The following SNTG1 variants were observed in gnomAD, a reference collection of about 807,000 sequenced individuals.
SNTG1 encodes the protein gamma-1-syntrophin.
In SNTG1, 39 loss-of-function variants were observed where a neutral mutation model predicts 74.7. The observed-to-expected ratio is 0.52, with a 90% CI of 0.40 to 0.68. SNTG1 has a LOEUF of 0.68. Among genes scored for constraint, SNTG1 ranks in the 30% least tolerant of loss-of-function variants. The pLI, the probability that SNTG1 is intolerant of heterozygous loss-of-function variation, is 0.00. For synonymous variants in SNTG1, 254 were observed against 217.1 expected (o/e 1.17, Z -1.49); for missense variants, 685 against 609.5 (o/e 1.12, Z -1.30).
chr8:50,363,718 TA>T (rs1196192960), intron 2 of SNTG1, among the ~76,000 whole-genome samples: 1 of 152,178 alleles, frequency 6.6e-6, no homozygotes, highest in Non-Finnish European at 1.5e-5. Context: ...ATTATATGTT[TA>T]AGAAGATGCA....
In SNTG1 at chr8:50,393,765, C is replaced by A. The variant is rs559336147; in HGVS notation, c.-27-447C>A. ...CAGAGAGAATTATTCATGCATGTAG[C>A]TTTTTAATTAAAAAGAGAGAGATTA... is the stretch of plus-strand genomic sequence containing the variant. On this transcript the variant is annotated intron_variant, in intron 2 of 18. Coordinates refer to ENST00000642720, the MANE Select transcript of SNTG1 (RefSeq NM_018967.5). Among the ~76,000 whole-genome samples, 156 of 152,176 alleles carry A rather than the reference C, an allele frequency of 1.0e-3. 1 individual carries two copies. Among genetic ancestry groups the A allele is most frequent in the African/African-American group, 3.3e-3 (138 of 41,524 alleles).
intron 1 of SNTG1, among the ~76,000 whole-genome samples, chr8:49,951,346 TAAATCCTCAC>T (rs2129391357): frequency 6.6e-6 from 1 of 152,302 alleles, no homozygotes; most frequent in East Asian, 1.9e-4. Context: ...AATATCTAAA[TAAATCCTCAC>T]AAATCTTGAG....
At chr8:50,580,631 T>C (rs2094604412) in intron 12 of SNTG1, among the ~76,000 whole-genome samples, 1 of 152,184 alleles carries the variant, frequency 6.6e-6, no homozygotes, top group Non-Finnish European at 1.5e-5. Context: ...CTGATGGTTT[T>C]ATAAGGGGAT....
chr8:50,204,932 G>A (rs1007427316), intron 2 of SNTG1, among the ~76,000 whole-genome samples: 2 of 152,140 alleles, frequency 1.3e-5, no homozygotes, highest in African/African-American at 4.8e-5. Flanking sequence ...GTATTCCATG[G>A]TATATATGTG....
intron 12 of SNTG1, among the ~76,000 whole-genome samples, chr8:50,560,063 G>C (rs1255304518): frequency 6.6e-6 from 1 of 152,066 alleles, no homozygotes; most frequent in Non-Finnish European, 1.5e-5. Context: ...CAAAGGACAT[G>C]AACAGACACT....
intron 12 of SNTG1, among the ~76,000 whole-genome samples, chr8:50,556,397 G>A (rs1199695046): frequency 6.6e-6 from 1 of 152,066 alleles, no homozygotes; most frequent in Non-Finnish European, 1.5e-5. Flanking sequence ...CTATATTTTA[G>A]GTGAGCATTC....
intron 2 of SNTG1, among the ~76,000 whole-genome samples, chr8:50,269,651 A>G (rs2087672544): frequency 6.6e-6 from 1 of 152,178 alleles, no homozygotes; most frequent in Non-Finnish European, 1.5e-5. Context: ...CAGCAGTCCA[A>G]ATATGTATAT....
intron 15 of SNTG1, among the ~76,000 whole-genome samples, chr8:50,691,045 G>T (rs2095376303): frequency 1.3e-5 from 2 of 152,120 alleles, no homozygotes; most frequent in African/African-American, 2.4e-5. Flanking sequence ...TTTAAAGTTT[G>T]TTTTATCAGA....
chr8:50,145,034 A>C (rs1367391842), intron 1 of SNTG1, among the ~76,000 whole-genome samples: 2 of 152,140 alleles, frequency 1.3e-5, no homozygotes, highest in Non-Finnish European at 2.9e-5. Context: ...ACACCAAATG[A>C]GGTAGGAACA....
intron 1 of SNTG1, among the ~76,000 whole-genome samples, chr8:50,056,201 C>T (rs1049244524): frequency 6.6e-6 from 1 of 152,036 alleles, no homozygotes; most frequent in Non-Finnish European, 1.5e-5. Flanking sequence ...CTTGAGCTTG[C>T]ATAGTTGAGT....
chr8:50,656,140 G>A (rs903283916), intron 13 of SNTG1, among the ~76,000 whole-genome samples: 3 of 152,072 alleles, frequency 2.0e-5, no homozygotes, highest in Non-Finnish European at 4.4e-5. Flanking sequence ...ATATCCTCCC[G>A]CACAGAGTTG....
At chr8:50,734,909 C>CTA (rs1321218760) in intron 17 of SNTG1, among the ~76,000 whole-genome samples, 1 of 131,240 alleles carries the variant, frequency 7.6e-6, no homozygotes, top group Admixed American at 7.8e-5. Context: ...ATATATATAT[C>CTA]TATATATATG....
chr8:50,478,393 T>C (rs962597254), intron 8 of SNTG1, among the ~76,000 whole-genome samples: 1 of 152,158 alleles, frequency 6.6e-6, no homozygotes, highest in African/African-American at 2.4e-5. Context: ...TCATGCATAT[T>C]ACCAATTGTA....
At chr8:50,091,078 G>A (rs1276937519) in intron 1 of SNTG1, among the ~76,000 whole-genome samples, 4 of 152,068 alleles carry the variant, frequency 2.6e-5, no homozygotes, top group African/African-American at 9.7e-5. Flanking sequence ...AATAAACATA[G>A]TGGCATAGAT....
chr8:50,579,664 G>A (rs1190198193), intron 12 of SNTG1, among the ~76,000 whole-genome samples: 1 of 152,176 alleles, frequency 6.6e-6, no homozygotes, highest in African/African-American at 2.4e-5. Flanking sequence ...TAAAAAAAAG[G>A]GGGCCAATGC....
intron 1 of SNTG1, among the ~76,000 whole-genome samples, chr8:50,149,280 T>G (rs2081980955): frequency 6.6e-6 from 1 of 152,208 alleles, no homozygotes; most frequent in Non-Finnish European, 1.5e-5. Context: ...CTTTGTAGAT[T>G]CTGGATATTA....
At chr8:50,162,559 C>CAAAAAAAAAAAAA (rs34746562) in intron 1 of SNTG1, among the ~76,000 whole-genome samples, 3 of 83,962 alleles carry the variant, frequency 3.6e-5, no homozygotes, top group South Asian at 3.8e-4. Flanking sequence ...GACTCTGTCT[C>CAAAAAAAAAAAAA]AAAAAAAAAA....
chr8:49,923,086 A>G (rs1249912871), intron 1 of SNTG1, among the ~76,000 whole-genome samples: 1 of 152,162 alleles, frequency 6.6e-6, no homozygotes, highest in Non-Finnish European at 1.5e-5. Context: ...TTCAAGCAAT[A>G]TATGCATATT....
At chr8:50,500,414 T>C (rs185145423) in intron 8 of SNTG1, among the ~76,000 whole-genome samples, 1 of 152,224 alleles carries the variant, frequency 6.6e-6, no homozygotes, top group African/African-American at 2.4e-5. Context: ...CATAACTTTT[T>C]TGGCTGAAAT....
Sources: allele counts gnomAD v4.1 joint callset (sites outside exome capture counted in the v4.1 genomes callset), GRCh38; gene constraint gnomAD v4.1.1; transcripts MANE v1.5; gene names NCBI Gene and HGNC (gene_info 2026-07-23, HGNC 2026-07-21).